LTF: variants seen among roughly 807,000 people sequenced by gnomAD.
LTF encodes epididymis luminal protein 110.
LTF carries 91 observed loss-of-function variants against 87.2 expected under a neutral mutation model. The observed-to-expected ratio is 1.04, with a 90% CI of 0.88 to 1.24. The LOEUF is 1.24. Among genes scored for constraint, LTF ranks in the 50% most tolerant of loss-of-function variants. The pLI is 0.00. For synonymous variants in LTF, 378 were observed against 356.1 expected (o/e 1.06, Z -0.69); for missense variants, 901 against 904.3 (o/e 1.00, Z 0.05).
At chr3:46,438,863 G>A (rs1702448080) in intron 15 of LTF, among the ~76,000 whole-genome samples, 1 of 152,132 alleles carries the variant, frequency 6.6e-6, no homozygotes, top group Non-Finnish European at 1.5e-5. Flanking sequence ...AATCTATAGG[G>A]CACCTTCTGA....
intron 1 of LTF, among the ~76,000 whole-genome samples, chr3:46,479,104 T>C (rs1279211250): frequency 6.6e-6 from 1 of 152,240 alleles, no homozygotes; most frequent in Non-Finnish European, 1.5e-5. Flanking sequence ...GAGATGAGAA[T>C]GTCCATGGAC....
intron 2 of LTF, among the ~76,000 whole-genome samples, chr3:46,458,613 C>T (rs375354243): frequency 3.9e-5 from 6 of 152,160 alleles, no homozygotes; most frequent in South Asian, 2.1e-4. Context: ...TCGCTCTTGT[C>T]GCCCAGGCTG....
intron 2 of LTF, among the ~76,000 whole-genome samples, chr3:46,458,695 C>CT (rs1319614828): frequency 6.6e-6 from 1 of 152,232 alleles, no homozygotes; most frequent in East Asian, 1.9e-4. Flanking sequence ...CTGCCTCAGC[C>CT]TTGTAAGTAG....
chr3:46,459,565 AG>A, intron 2 of LTF, 90 bp downstream of exon 2: 1 of 1,246,988 alleles, frequency 8.0e-7, no homozygotes, highest in South Asian at 2.7e-5. Context: ...GGTGAAGCAG[AG>A]GAAGTAAGGA....
At chr3:46,478,231 C>T (rs1000244005) in intron 1 of LTF, among the ~76,000 whole-genome samples, 5 of 152,206 alleles carry the variant, frequency 3.3e-5, no homozygotes, top group Non-Finnish European at 7.3e-5. Context: ...TGGCCCCTCT[C>T]AGCAGCCTGG....
intron 1 of LTF, among the ~76,000 whole-genome samples, chr3:46,482,860 CAGAG>C (rs531206764): frequency 1.1e-4 from 16 of 150,698 alleles, no homozygotes; most frequent in East Asian, 2.0e-4. Flanking sequence ...AAGAGACAGA[CAGAG>C]AGAAAGAGAG....
chr3:46,472,877 C>A (rs1703311878), intron 1 of LTF, among the ~76,000 whole-genome samples: 1 of 152,166 alleles, frequency 6.6e-6, no homozygotes, highest in South Asian at 2.1e-4. Flanking sequence ...TCTTCTTCAT[C>A]CCTCTCTGGA....
At chr3:46,483,357 T>C (rs903128977) in intron 1 of LTF, among the ~76,000 whole-genome samples, 1 of 152,262 alleles carries the variant, frequency 6.6e-6, no homozygotes, top group Non-Finnish European at 1.5e-5. Flanking sequence ...AGAATGTTGA[T>C]AAGAGCATTG....
At chr3:46,437,107 G>A (rs1702403107) in intron 16 of LTF, among the ~76,000 whole-genome samples, 1 of 152,210 alleles carries the variant, frequency 6.6e-6, no homozygotes, top group South Asian at 2.1e-4. Flanking sequence ...ATAGGAATCT[G>A]AATGATTGCA....
Position 46,454,358 on chromosome 3 carries a change from C to T in LTF, c.650G>A (p.Cys217Tyr). Residue 217 changes from cysteine to tyrosine, a missense_variant and splice_region_variant, in exon 6 of 17, where the codon TGT becomes TAT. Physicochemically the swap from Cys to Tyr is radical, Grantham distance 194. Coordinates refer to ENST00000231751, the MANE Select transcript of LTF (RefSeq NM_002343.6). ...PYFSYSGAFKCLRDGAGDVAF... is the reference protein window; with the variant it reads ...PYFSYSGAFKYLRDGAGDVAF... Reference sequence around the variant, plus strand: ...CACGTCTCCAGCCCCGTCTCTCAGACACCTGTGAAAAGAGAAACCATCAGG... The same window carrying T: ...CACGTCTCCAGCCCCGTCTCTCAGATACCTGTGAAAAGAGAAACCATCAGG... 1.2e-6 allele frequency: 2 copies of T among 1,614,134 alleles called. No individual in the cohort carries two copies. Among genetic ancestry groups the T allele is most frequent in the Non-Finnish European group, 8.5e-7 (1 of 1,179,978 alleles).
chr3:46,464,577 G>T (rs1316588060), intron 1 of LTF, among the ~76,000 whole-genome samples: 5 of 152,198 alleles, frequency 3.3e-5, no homozygotes, highest in African/African-American at 1.2e-4. Flanking sequence ...GGCCTGGGAG[G>T]CCTTTTGAGA....
intron 1 of LTF, among the ~76,000 whole-genome samples, chr3:46,472,024 G>A (rs557115838): frequency 6.6e-6 from 1 of 152,112 alleles, no homozygotes; most frequent in Admixed American, 6.5e-5. Flanking sequence ...GGCAGCCCAG[G>A]GCCTCCCTGT....
rs556591066 is a variant in LTF at position 46,481,669 on chromosome 3, T to C, written c.-320+3317A>G. On this transcript the variant is annotated intron_variant, in intron 1 of 19. Transcript: ENST00000443496. The stretch of plus-strand genomic sequence containing the variant: ...GGGAGGCTGAGGCAGAAGAATCACT[T>C]GAACCTGAAAGGCAGAGGTTGCAGG... 3.3e-5 allele frequency among the ~76,000 whole-genome samples: 5 copies of C among 152,318 alleles called. No homozygotes were observed. The South Asian group carries it at 1.0e-3, about 32-fold the overall frequency.
chr3:46,479,362 AC>A (rs1459512530), intron 1 of LTF, among the ~76,000 whole-genome samples: 1 of 152,184 alleles, frequency 6.6e-6, no homozygotes, highest in African/African-American at 2.4e-5. Context: ...CCCTGTGGGT[AC>A]CTAGAAGACC....
rs1702384705 is a variant in LTF at position 46,436,243 on chromosome 3, C to T, written c.2099-14G>A. The T allele has an allele frequency of 6.2e-7, 1 of 1,613,026 alleles. No individual in the cohort carries two copies. The highest frequency in any genetic ancestry group is 1.3e-5 in the African/African-American group (1 of 74,912). ...CTTCCAGGAGGGCTGTGGGACACAA[C>T]AGAGCAAGAGATTCAGAAACTGATT... is the stretch of plus-strand genomic sequence containing the variant. On this transcript the variant is annotated splice_polypyrimidine_tract_variant and intron_variant, in intron 16 of 16. Transcript: ENST00000231751.
Position 46,451,442 on chromosome 3 carries a change from C to CA in LTF, c.704-770dup, listed in dbSNP as rs1365901015. ...CATTAACAAAAGAATGGCTGAACAT[C>CA]AAAAAAACTAAAGTAATCTGCATTT... is the stretch of plus-strand genomic sequence containing the variant. On this transcript the variant is annotated intron_variant, in intron 6 of 16. Transcript: ENST00000231751. Among the ~76,000 whole-genome samples the CA allele has an allele frequency of 3.3e-5, 5 of 152,048 alleles. 1 individual carries two copies. Among genetic ancestry groups the CA allele is most frequent in the African/African-American group, 1.2e-4 (5 of 41,472 alleles).
chr3:46,463,466 C>G (rs1332108796), intron 1 of LTF: 1 of 985,768 alleles, frequency 1.0e-6, no homozygotes, highest in Admixed American at 6.1e-5. Context: ...AGCCTGGACA[C>G]CCACGGGGAG....
chr3:46,447,309 G>T lies in LTF; in HGVS notation c.1302C>A (p.Tyr434Ter). The change falls in exon 10 of 17, where the codon TAC becomes TAA. Residue 434 changes from tyrosine to a stop codon, truncating the protein, a stop_gained and splice_region_variant. Coordinates refer to ENST00000231751, the MANE Select transcript of LTF (RefSeq NM_002343.6). LOFTEE classifies it high-confidence loss of function. ...CCAGAGGATGCTAACTCCACTTACT[G>T]TAGTTCTCTGCCAGGACAGGCACCA... is the stretch of plus-strand genomic sequence containing the variant. Reference protein sequence around the residue: ...CGLVPVLAENYKSQQSSDPDP... With the variant: ...CGLVPVLAEN 6.2e-7 allele frequency: 1 copy of T among 1,613,268 alleles called. No homozygotes were observed. The highest frequency in any genetic ancestry group is 8.5e-7 in the Non-Finnish European group (1 of 1,179,202).
At chr3:46,484,067 C>A (rs940150722) in intron 1 of LTF, among the ~76,000 whole-genome samples, 1 of 152,206 alleles carries the variant, frequency 6.6e-6, no homozygotes, top group Admixed American at 6.5e-5. Context: ...CCTTGGAAGG[C>A]CCCCTGGAGG....
Sources: allele counts gnomAD v4.1 joint callset (sites outside exome capture counted in the v4.1 genomes callset), GRCh38; gene constraint gnomAD v4.1.1; transcripts MANE v1.5; gene names NCBI Gene and HGNC (gene_info 2026-07-23, HGNC 2026-07-21).